DCLK1: variants seen among roughly 807,000 people sequenced by gnomAD.
DCLK1 encodes the protein serine/threonine-protein kinase DCLK1.
DCLK1 carries 16 observed loss-of-function variants against 86.2 expected under a neutral mutation model. That is an observed-to-expected ratio of 0.19 (90% CI 0.13 to 0.28). DCLK1 has a LOEUF of 0.28. DCLK1 is among the 10% of genes least tolerant of loss of function. The pLI, the probability that DCLK1 is intolerant of heterozygous loss-of-function variation, is 1.00. For synonymous variants in DCLK1, 369 were observed against 370.5 expected, an observed-to-expected ratio of 1.00 and a Z score of 0.05; for missense variants, 590 against 940.2, an observed-to-expected ratio of 0.63 and a Z score of 4.87.
intron 5 of DCLK1, chr13:35,855,714 CCAAGCAG>C: frequency 7.2e-7 from 1 of 1,382,078 alleles, no homozygotes; most frequent in South Asian, 1.8e-5. Context: ...CTGACGTCTC[CCAAGCAG>C]CAGTGGGAGG....
chr13:35,951,882 AG>A (rs1877710636), intron 3 of DCLK1, among the ~76,000 whole-genome samples: 2 of 152,158 alleles, frequency 1.3e-5, no homozygotes, highest in Admixed American at 1.3e-4. Context: ...TCCTAGCTTC[AG>A]TCAGAGCAAA....
At chr13:35,781,259 CAGG>C (rs2086520056) in intron 16 of DCLK1, among the ~76,000 whole-genome samples, 1 of 152,180 alleles carries the variant, frequency 6.6e-6, no homozygotes, top group African/African-American at 2.4e-5. Context: ...AGGTGGAAGT[CAGG>C]AGAATTAGCT....
chr13:36,006,122 C>A (rs1457786258), intron 3 of DCLK1, among the ~76,000 whole-genome samples: 1 of 152,082 alleles, frequency 6.6e-6, no homozygotes, highest in African/African-American at 2.4e-5. Flanking sequence ...CCATAGTACA[C>A]GTATACCTAT....
chr13:35,779,898 G>A (rs745769318), intron 16 of DCLK1, among the ~76,000 whole-genome samples: 5 of 151,810 alleles, frequency 3.3e-5, no homozygotes, highest in Non-Finnish European at 2.9e-5. Context: ...AAGTTACCAA[G>A]GAAATAGCAC....
At chr13:36,130,147 T>C (rs145631188) in intron 1 of DCLK1, among the ~76,000 whole-genome samples, 128 of 152,158 alleles carry the variant, frequency 8.4e-4, no homozygotes, top group African/African-American at 2.9e-3. Flanking sequence ...CTTTTATAAT[T>C]TTCCTCTATA....
chr13:36,120,152 T>C (rs1885933357), intron 2 of DCLK1, among the ~76,000 whole-genome samples: 1 of 152,022 alleles, frequency 6.6e-6, no homozygotes, highest in Non-Finnish European at 1.5e-5. Flanking sequence ...TGAGGAAAAA[T>C]GGCTTTATGA....
chr13:35,818,553 T>C (rs2087321074), intron 11 of DCLK1, among the ~76,000 whole-genome samples: 1 of 152,180 alleles, frequency 6.6e-6, no homozygotes, highest in South Asian at 2.1e-4. Flanking sequence ...GATTTTTGAA[T>C]GTTTATATTT....
At chr13:35,812,268 A>G (rs2087163251) in intron 11 of DCLK1, among the ~76,000 whole-genome samples, 1 of 152,204 alleles carries the variant, frequency 6.6e-6, no homozygotes, top group African/African-American at 2.4e-5. Context: ...GGAATGAATA[A>G]GATTAAGAAA....
At chr13:35,956,541 G>C (rs962802590) in intron 3 of DCLK1, among the ~76,000 whole-genome samples, 2 of 113,846 alleles carry the variant, frequency 1.8e-5, no homozygotes, top group Middle Eastern at 4.0e-3. Context: ...CATATGGCTG[G>C]TTCTCTGCTT....
intron 3 of DCLK1, among the ~76,000 whole-genome samples, chr13:36,063,876 T>C (rs1883647476): frequency 6.6e-6 from 1 of 152,192 alleles, no homozygotes; most frequent in South Asian, 2.1e-4. Context: ...AATAAATATT[T>C]ATTACATGAA....
At chr13:36,029,759 G>A (rs959550578) in intron 3 of DCLK1, among the ~76,000 whole-genome samples, 4 of 152,118 alleles carry the variant, frequency 2.6e-5, no homozygotes, top group African/African-American at 9.7e-5. Context: ...AACAAGATCT[G>A]TTCCACAGAA....
intron 3 of DCLK1, among the ~76,000 whole-genome samples, chr13:36,038,351 T>A (rs1882582410): frequency 6.6e-6 from 1 of 152,070 alleles, no homozygotes; most frequent in African/African-American, 2.4e-5. Context: ...GTTACAGGAA[T>A]GAGAGCCTCC....
At chr13:36,094,632 T>G (rs1263406822) in intron 3 of DCLK1, among the ~76,000 whole-genome samples, 1 of 152,226 alleles carries the variant, frequency 6.6e-6, no homozygotes, top group African/African-American at 2.4e-5. Flanking sequence ...TAAAGGGTAT[T>G]AAGACAAATG....
chr13:35,904,078 G>A (rs934088931), intron 4 of DCLK1, among the ~76,000 whole-genome samples: 1 of 151,818 alleles, frequency 6.6e-6, no homozygotes, highest in Non-Finnish European at 1.5e-5. Flanking sequence ...AAAGCTGTGT[G>A]TTATGTGCAG....
At chr13:35,785,641 G>A (rs1182029436) in intron 16 of DCLK1, among the ~76,000 whole-genome samples, 1 of 152,132 alleles carries the variant, frequency 6.6e-6, no homozygotes, top group African/African-American at 2.4e-5. Context: ...CTGAGGAGAT[G>A]GTTTTCCCAG....
intron 3 of DCLK1, among the ~76,000 whole-genome samples, chr13:35,992,443 CTT>C (rs35847607): frequency 7.6e-5 from 11 of 144,492 alleles, no homozygotes; most frequent in African/African-American, 1.0e-4. Flanking sequence ...AAAGAAAGTG[CTT>C]TTTTTTTTTT....
chr13:36,115,237 T>C (rs1464721880), intron 2 of DCLK1, among the ~76,000 whole-genome samples: 1 of 152,158 alleles, frequency 6.6e-6, no homozygotes, highest in Non-Finnish European at 1.5e-5. Context: ...TACTGTAGTA[T>C]ACTTCCTCTT....
chr13:36,012,247 T>C (rs1415814136), intron 3 of DCLK1, among the ~76,000 whole-genome samples: 2 of 145,008 alleles, frequency 1.4e-5, no homozygotes, highest in Non-Finnish European at 3.0e-5. Flanking sequence ...AATATTGTTA[T>C]GTGTGAATTT....
chr13:36,067,425 G>T (rs1883798488), intron 3 of DCLK1, among the ~76,000 whole-genome samples: 1 of 109,458 alleles, frequency 9.1e-6, no homozygotes, highest in African/African-American at 3.4e-5. Context: ...GGGGGAGGGG[G>T]GAGGGATAGC....
Sources: allele counts gnomAD v4.1 joint callset (sites outside exome capture counted in the v4.1 genomes callset), GRCh38; gene constraint gnomAD v4.1.1; transcripts MANE v1.5; gene names NCBI Gene and HGNC (gene_info 2026-07-23, HGNC 2026-07-21).